THSD4: variants seen among roughly 807,000 people sequenced by gnomAD.
THSD4 encodes the protein thrombospondin type-1 domain-containing protein 4.
A neutral mutation model predicts 119.0 loss-of-function variants in THSD4; 69 were observed. The observed-to-expected ratio is 0.58, with a 90% CI of 0.48 to 0.71. THSD4 has a LOEUF of 0.71. Ranked by LOEUF, THSD4 falls within the 30% of genes least tolerant of loss-of-function variation. The pLI is 0.00. For synonymous variants in THSD4, 524 were observed against 540.4 expected, an observed-to-expected ratio of 0.97 and a Z score of 0.42; for missense variants, 1,393 against 1,391.1, an observed-to-expected ratio of 1.00 and a Z score of -0.02.
chr15:71,387,951 T>A (rs1361421398), intron 6 of THSD4, among the ~76,000 whole-genome samples: 14 of 152,230 alleles, frequency 9.2e-5, no homozygotes, highest in Admixed American at 7.2e-4. Context: ...TGATCTTATT[T>A]TCCCCCCTCA....
intron 1 of THSD4, among the ~76,000 whole-genome samples, chr15:71,129,244 G>T (rs182839004): frequency 1.9e-3 from 288 of 152,330 alleles, no homozygotes; most frequent in Non-Finnish European, 2.6e-3. Flanking sequence ...CTGAATGAGC[G>T]TGCAGGTCTT....
chr15:71,277,248 C>T (rs920278463), intron 6 of THSD4, among the ~76,000 whole-genome samples: 1 of 151,088 alleles, frequency 6.6e-6, no homozygotes, highest in Non-Finnish European at 1.5e-5. Flanking sequence ...GTCTCAGCCT[C>T]CCGAGGAGCT....
intron 7 of THSD4, among the ~76,000 whole-genome samples, chr15:71,603,465 G>T (rs1273361561): frequency 6.6e-6 from 1 of 152,164 alleles, no homozygotes; most frequent in Non-Finnish European, 1.5e-5. Flanking sequence ...CCCTTTATCT[G>T]CCTCCTGCAT....
Position 71,215,093 on chromosome 15 carries a change from C to G in THSD4, c.158C>G (p.Pro53Arg). Residue 53 changes from proline to arginine, a missense_variant, in exon 4 of 18, where the codon CCG becomes CGG. By Grantham distance (103) the Pro-to-Arg change is moderately radical. Coordinates refer to ENST00000261862, the MANE Select transcript of THSD4 (RefSeq NM_024817.3). ...APEDDGGGGA[P>R]GVWGAWGPWS... ...GAGGACGACGGCGGCGGCGGCGCCC[C>G]GGGAGTGTGGGGCGCCTGGGGCCCC... 1.5e-6 allele frequency: 2 copies of G among 1,319,542 alleles called. No individual in the cohort carries two copies. The highest frequency in any genetic ancestry group is 1.9e-6 in the Non-Finnish European group (2 of 1,033,690). 81.7% of individuals were successfully genotyped at this position (1,319,542 alleles called of 1,614,324 possible).
At chr15:71,536,861 AT>A (rs2048694959) in intron 7 of THSD4, among the ~76,000 whole-genome samples, 2 of 151,764 alleles carry the variant, frequency 1.3e-5, no homozygotes, top group African/African-American at 2.4e-5. Context: ...ATATCCACTT[AT>A]CCTGGCACCA....
intron 7 of THSD4, among the ~76,000 whole-genome samples, chr15:71,520,756 C>T (rs531676707): frequency 2.0e-5 from 3 of 152,196 alleles, no homozygotes; most frequent in South Asian, 4.2e-4. Context: ...ACTAACTGAG[C>T]TCTAGACAGG....
chr15:71,349,552 C>A (rs2045717425), intron 6 of THSD4, among the ~76,000 whole-genome samples: 1 of 152,172 alleles, frequency 6.6e-6, no homozygotes, highest in Non-Finnish European at 1.5e-5. Context: ...AGCACCTGCC[C>A]TTAGCCTTGA....
intron 14 of THSD4, among the ~76,000 whole-genome samples, chr15:71,757,618 CA>C (rs1053603235): frequency 1.6e-5 from 2 of 125,020 alleles, no homozygotes; most frequent in Non-Finnish European, 3.5e-5. Flanking sequence ...TTTTTGAAAG[CA>C]AAAGCTGGGA....
chr15:71,625,939 A>C (rs1003187391), intron 7 of THSD4, among the ~76,000 whole-genome samples: 16 of 152,224 alleles, frequency 1.1e-4, no homozygotes, highest in African/African-American at 3.9e-4. Flanking sequence ...CAGGATTAGA[A>C]ATGGGTAAAT....
At chr15:71,292,280 C>T (rs1414452469) in intron 6 of THSD4, among the ~76,000 whole-genome samples, 4 of 152,034 alleles carry the variant, frequency 2.6e-5, no homozygotes, top group Non-Finnish European at 2.9e-5. Flanking sequence ...TGAGGTATCT[C>T]GGGGAGGGCC....
intron 7 of THSD4, among the ~76,000 whole-genome samples, chr15:71,539,532 T>C (rs2048730052): frequency 6.6e-6 from 1 of 152,192 alleles, no homozygotes; most frequent in Non-Finnish European, 1.5e-5. Flanking sequence ...AGTGCACAAT[T>C]ATATTTTACA....
At chr15:71,165,550 C>T in intron 3 of THSD4, 4 of 692,266 alleles carry the variant, frequency 5.8e-6, no homozygotes, top group Non-Finnish European at 9.8e-6. Flanking sequence ...GATTAACTTT[C>T]ATAGCAAGAG....
chr15:71,578,465 T>G (rs1202468777), intron 7 of THSD4, among the ~76,000 whole-genome samples: 1 of 152,172 alleles, frequency 6.6e-6, no homozygotes, highest in African/African-American at 2.4e-5. Context: ...TATATAAACT[T>G]TGTATAATGT....
chr15:71,120,019 T>A (rs917999551), intron 1 of THSD4, among the ~76,000 whole-genome samples: 1 of 152,216 alleles, frequency 6.6e-6, no homozygotes, highest in Non-Finnish European at 1.5e-5. Context: ...CTTTACTCTG[T>A]GCCTGATCAG....
intron 7 of THSD4, among the ~76,000 whole-genome samples, chr15:71,623,688 G>A (rs973574288): frequency 5.9e-5 from 9 of 152,170 alleles, no homozygotes; most frequent in African/African-American, 9.6e-5. Context: ...TTGAGAGGCC[G>A]AGGTGGGCGG....
chr15:71,370,863 G>A lies in THSD4; in HGVS notation c.1016-40824G>A, dbSNP rs561821750. ...TTAACTTTGTCTCGTCGATCTGTCT[G>A]ATGTTGACAGTGGGGTGTTAAAGTC... On this transcript the variant is annotated intron_variant, in intron 6 of 17. Transcript: ENST00000261862. 7.9e-5 allele frequency among the ~76,000 whole-genome samples: 12 copies of A among 152,246 alleles called. No homozygotes were observed. In the East Asian group the frequency reaches 1.3e-3, roughly 17 times the overall value.
intron 7 of THSD4, among the ~76,000 whole-genome samples, chr15:71,522,438 T>C (rs1172757348): frequency 6.6e-6 from 1 of 152,134 alleles, no homozygotes; most frequent in Admixed American, 6.5e-5. Flanking sequence ...AGACAGCTTC[T>C]CTCTGAAGGT....
chr15:71,523,225 C>G (rs1410434920), intron 7 of THSD4, among the ~76,000 whole-genome samples: 2 of 152,182 alleles, frequency 1.3e-5, no homozygotes, highest in African/African-American at 4.8e-5. Flanking sequence ...TCAAGGCCAG[C>G]AGGGCTGTGC....
At chr15:71,233,242 A>G (rs1362020711) in intron 4 of THSD4, among the ~76,000 whole-genome samples, 1 of 152,188 alleles carries the variant, frequency 6.6e-6, no homozygotes, top group African/African-American at 2.4e-5. Context: ...TTTATGTCCA[A>G]ATTGAAATGT....
Sources: gnomAD v4.1 joint callset for allele counts (sites outside exome capture counted in the v4.1 genomes callset) on GRCh38, gnomAD v4.1.1 for gene constraint, MANE v1.5 for transcripts, NCBI Gene and HGNC (gene_info 2026-07-23, HGNC 2026-07-21) for gene names.